The following GSAP variants were observed in gnomAD, a reference collection of about 807,000 sequenced individuals.
GSAP encodes the protein gamma-secretase activating protein.
A neutral mutation model predicts 131.7 loss-of-function variants in GSAP; 118 were observed. The observed-to-expected ratio is 0.90, with a 90% confidence interval of 0.77 to 1.04. GSAP has a LOEUF of 1.04. Among genes scored for constraint, GSAP ranks in the 50% least tolerant of loss-of-function variants. GSAP has a pLI of 0.00. For synonymous variants in GSAP, 381 were observed against 363.4 expected (o/e 1.05, Z -0.55); for missense variants, 1,019 against 1,013.2 (o/e 1.01, Z -0.08).
intron 13 of GSAP, among the ~76,000 whole-genome samples, 181 bp from the exon 14 acceptor site, chr7:77,361,082 T>C (rs1317754939): frequency 6.6e-6 from 1 of 152,240 alleles, no homozygotes; most frequent in Non-Finnish European, 1.5e-5. Context: ...AGGCAGATTA[T>C]CTGAGTGCAG....
chr7:77,395,994 C>G (rs963815438), intron 5 of GSAP, among the ~76,000 whole-genome samples: 8 of 152,122 alleles, frequency 5.3e-5, no homozygotes, highest in Non-Finnish European at 7.4e-5. Flanking sequence ...ATTATTGTCC[C>G]AAGTACGATT....
intron 12 of GSAP, among the ~76,000 whole-genome samples, chr7:77,365,117 ATTATT>A (rs975760493): frequency 5.3e-5 from 8 of 151,940 alleles, no homozygotes; most frequent in African/African-American, 1.2e-4. Flanking sequence ...TGCCTGGCTA[ATTATT>A]TTATTTTTTT....
intron 9 of GSAP, 28 bp downstream of exon 9, chr7:77,377,258 A>AAAAAAAAAAAAAAAATG: frequency 2.1e-6 from 3 of 1,400,742 alleles, no homozygotes; most frequent in Non-Finnish European, 2.8e-6. Flanking sequence ...AAAAAAAAAA[A>AAAAAAAAAAAAAAAATG]GGAGTGCCCG....
intron 1 of GSAP, among the ~76,000 whole-genome samples, chr7:77,410,811 A>T (rs972554729): frequency 2.0e-5 from 3 of 152,214 alleles, no homozygotes; most frequent in African/African-American, 7.2e-5. Flanking sequence ...GAAAAACGTC[A>T]TTCAGCCTTA....
At chr7:77,391,866 G>A (rs1171269894) in intron 5 of GSAP, among the ~76,000 whole-genome samples, 1 of 152,004 alleles carries the variant, frequency 6.6e-6, no homozygotes, top group Non-Finnish European at 1.5e-5. Flanking sequence ...AAAGACCAAA[G>A]AACCAGATTA....
rs1408979394 is a variant in GSAP at position 77,355,203 on chromosome 7, A to G, written c.1338+10T>C. On this transcript the variant is annotated intron_variant, in intron 16 of 30. Transcript: ENST00000257626. ...ATCTGCCCATTTTAAAACATGAGCT[A>G]TCTTCTCACCTGGGCTTCCAGGAAC... The G allele has an allele frequency of 1.3e-6, 2 of 1,573,092 alleles. No individual in the cohort carries two copies. Among genetic ancestry groups the G allele is most frequent in the South Asian group, 1.1e-5 (1 of 89,946 alleles).
intron 18 of GSAP, among the ~76,000 whole-genome samples, chr7:77,352,441 G>T (rs1480464188): frequency 6.6e-6 from 1 of 152,168 alleles, no homozygotes; most frequent in Non-Finnish European, 1.5e-5. Flanking sequence ...TAAAAGGAGG[G>T]AGTCAGAACC....
intron 1 of GSAP, among the ~76,000 whole-genome samples, chr7:77,410,120 G>A (rs1054237766): frequency 2.0e-5 from 3 of 152,106 alleles, no homozygotes; most frequent in African/African-American, 7.2e-5. Flanking sequence ...TTTGTTAGAG[G>A]GCATAACTTG....
At chr7:77,317,555 C>T (rs1307925168) in intron 26 of GSAP, among the ~76,000 whole-genome samples, 3 of 152,164 alleles carry the variant, frequency 2.0e-5, no homozygotes, top group Admixed American at 1.3e-4. Context: ...CTTTTCCTTA[C>T]CTGACCCACA....
intron 19 of GSAP, among the ~76,000 whole-genome samples, chr7:77,340,722 C>A (rs992473566): frequency 1.3e-5 from 2 of 152,196 alleles, no homozygotes; most frequent in Non-Finnish European, 2.9e-5. Flanking sequence ...TGATTATTCA[C>A]CCACACTCCA....
In GSAP at chr7:77,370,286, C is replaced by T. The variant is rs186165041; in HGVS notation, c.871+3784G>A. ...CAGCGTGGCCAACATGGCGAAACCCCGTCTCCACTAAAAATACAAAAAAAA... is the reference window on the plus strand; with the variant it reads ...CAGCGTGGCCAACATGGCGAAACCCTGTCTCCACTAAAAATACAAAAAAAA... On this transcript the variant is annotated intron_variant, in intron 12 of 30. Transcript: ENST00000257626. Among the ~76,000 whole-genome samples the T allele has an allele frequency of 1.2e-4, 18 of 152,188 alleles. No individual in the cohort carries two copies. In the East Asian group the frequency reaches 2.9e-3, roughly 25 times the overall value.
At chr7:77,383,098 G>T (rs140409687) in intron 6 of GSAP, among the ~76,000 whole-genome samples, 2 of 152,174 alleles carry the variant, frequency 1.3e-5, no homozygotes, top group East Asian at 3.9e-4. Context: ...GAAGTGGGAG[G>T]ATCACTTGAA....
chr7:77,326,228 C>T lies in GSAP; in HGVS notation c.1811G>A (p.Arg604Gln), dbSNP rs770708897. 2.5e-5 allele frequency: 40 copies of T among 1,612,526 alleles called. No homozygotes were observed. The East Asian group carries it at 5.4e-4, about 22-fold the overall frequency. The change falls in exon 23 of 31, where the codon CGG becomes CAG. Residue 604 changes from arginine to glutamine, a missense_variant. Coordinates refer to ENST00000257626, the MANE Select transcript of GSAP (RefSeq NM_017439.4). ...PLLQEEDSHQRLLMGLMVSEL... is the reference protein window; with the variant it reads ...PLLQEEDSHQQLLMGLMVSEL... The stretch of plus-strand genomic sequence containing the variant: ...ACCACTTACCAGCCCCATGAGCAGC[C>T]GCTGGTGGCTGTCTTCCTCCTGCAG...
intron 18 of GSAP, among the ~76,000 whole-genome samples, chr7:77,352,510 C>T (rs1203997332): frequency 6.6e-6 from 1 of 152,130 alleles, no homozygotes; most frequent in African/African-American, 2.4e-5. Flanking sequence ...TTTTACTGAT[C>T]CTGAAGCTCT....
chr7:77,344,757 C>G (rs906684659), intron 19 of GSAP, among the ~76,000 whole-genome samples: 14 of 152,126 alleles, frequency 9.2e-5, no homozygotes, highest in African/African-American at 3.1e-4. Context: ...TACTTTTATA[C>G]TCATTATTAT....
intron 12 of GSAP, among the ~76,000 whole-genome samples, chr7:77,371,927 G>A (rs187938376): frequency 6.6e-5 from 10 of 152,334 alleles, no homozygotes; most frequent in African/African-American, 2.4e-4. Flanking sequence ...AGGTTAAAAT[G>A]TGCCCTCATA....
At chr7:77,414,611 T>C (rs1803940244) in intron 1 of GSAP, among the ~76,000 whole-genome samples, 1 of 152,174 alleles carries the variant, frequency 6.6e-6, no homozygotes, top group Non-Finnish European at 1.5e-5. Flanking sequence ...GAGCGAAAGA[T>C]ACAAGGAAGC....
Position 77,312,172 on chromosome 7 carries a change from C to T in GSAP, c.2302G>A (p.Asp768Asn). The T allele has an allele frequency of 1.2e-6, 2 of 1,602,204 alleles. No individual in the cohort carries two copies. The highest frequency in any genetic ancestry group is 1.7e-6 in the Non-Finnish European group (2 of 1,175,478). Residue 768 changes from aspartate to asparagine, a missense_variant, in exon 29 of 31, where the codon GAT becomes AAT. By Grantham distance (23) the Asp-to-Asn change is conservative. Transcript: ENST00000257626. ...ATGATGTTAGAACTCATAGGATGATCCCAAAGTCTACAAATCTTCTGCCCA... is the reference window on the plus strand; with the variant it reads ...ATGATGTTAGAACTCATAGGATGATTCCAAAGTCTACAAATCTTCTGCCCA... ...LIGQKICRLW[D>N]HPMSSNIISR...
chr7:77,335,826 C>G (rs116400091), intron 19 of GSAP, among the ~76,000 whole-genome samples: 1,719 of 152,344 alleles, frequency 0.011, 32 homozygotes, highest in African/African-American at 0.04. Flanking sequence ...ACTAGCACAG[C>G]TAAAGCATCA....
Sources: allele counts gnomAD v4.1 joint callset (sites outside exome capture counted in the v4.1 genomes callset), GRCh38; gene constraint gnomAD v4.1.1; transcripts MANE v1.5; gene names NCBI Gene and HGNC (gene_info 2026-07-23, HGNC 2026-07-21).